Variants in PTPRA observed in about 807,000 individuals in gnomAD.
PTPRA encodes receptor-type tyrosine-protein phosphatase alpha.
A neutral mutation model predicts 104.8 loss-of-function variants in PTPRA; 25 were observed. That is an observed-to-expected ratio of 0.24 (90% CI 0.17 to 0.33). PTPRA has a LOEUF of 0.33. Ranked by LOEUF, PTPRA falls within the 10% of genes least tolerant of loss-of-function variation. The pLI, the probability that PTPRA is intolerant of heterozygous loss-of-function variation, is 1.00. For missense variants in PTPRA, 765 were observed against 1,015.3 expected (o/e 0.75, Z 3.35); for synonymous variants, 323 against 368.9 (o/e 0.88, Z 1.43).
intron 1 of PTPRA, among the ~76,000 whole-genome samples, chr20:2,919,014 G>A (rs1401332228): frequency 2.6e-5 from 4 of 152,084 alleles, no homozygotes; most frequent in African/African-American, 7.2e-5. Context: ...TGTCTGACAC[G>A]TAGTAAATAC....
At chr20:2,903,578 C>T (rs1159373400) in intron 1 of PTPRA, among the ~76,000 whole-genome samples, 1 of 152,054 alleles carries the variant, frequency 6.6e-6, no homozygotes, top group Non-Finnish European at 1.5e-5. Flanking sequence ...GCCCTTGCTA[C>T]TCAGGAGGCT....
intron 1 of PTPRA, among the ~76,000 whole-genome samples, chr20:2,882,293 TTTC>T (rs1377910528): frequency 3.6e-5 from 5 of 139,896 alleles, no homozygotes; most frequent in African/African-American, 6.2e-5. Flanking sequence ...TCTTTCTTTC[TTTC>T]TTTTTTTTTT....
intron 5 of PTPRA, among the ~76,000 whole-genome samples, chr20:2,972,278 T>C (rs1399132211): frequency 6.6e-6 from 1 of 152,204 alleles, no homozygotes; most frequent in Non-Finnish European, 1.5e-5. Context: ...CGATCATGGC[T>C]CACTGTAACC....
chr20:3,035,987 G>A lies in PTPRA; in HGVS notation c.2198+46G>A. 1.2e-6 allele frequency: 2 copies of A among 1,610,484 alleles called. No homozygotes were observed. Among genetic ancestry groups the A allele is most frequent in the Admixed American group, 1.7e-5 (1 of 59,948 alleles). ...CAGCGGGAGAGAGAAAGCGAGGAGGGGCAGATAGGGGAAGCTGATGACCAT... is the reference window on the plus strand; with the variant it reads ...CAGCGGGAGAGAGAAAGCGAGGAGGAGCAGATAGGGGAAGCTGATGACCAT... On this transcript the variant is annotated intron_variant, in intron 22 of 23. Coordinates refer to ENST00000399903, the MANE Select transcript of PTPRA (RefSeq NM_001385305.1). This position sits in a 1 kb window ranked among gnomAD's most constrained non-coding sequence, Gnocchi z 5.8.
chr20:2,909,945 TTATA>T (rs1274871773), intron 1 of PTPRA, among the ~76,000 whole-genome samples: 1 of 123,642 alleles, frequency 8.1e-6, no homozygotes, highest in Non-Finnish European at 1.5e-5. Context: ...ATATGTGTAA[TTATA>T]TATTATAATA....
chr20:2,928,796 T>TG (rs1324449344), intron 2 of PTPRA, among the ~76,000 whole-genome samples: 2 of 151,766 alleles, frequency 1.3e-5, no homozygotes, highest in African/African-American at 2.4e-5. Flanking sequence ...TCCTGGAGAT[T>TG]GTCATAACTT....
At chr20:3,003,147 T>C (rs1007269175) in intron 9 of PTPRA, among the ~76,000 whole-genome samples, 5 of 152,244 alleles carry the variant, frequency 3.3e-5, no homozygotes, top group African/African-American at 1.2e-4. Context: ...TGTATTTGTT[T>C]TATTTGTTTA....
chr20:2,890,957 C>T (rs538896745), intron 1 of PTPRA, among the ~76,000 whole-genome samples: 1 of 152,172 alleles, frequency 6.6e-6, no homozygotes, highest in Non-Finnish European at 1.5e-5. Flanking sequence ...CAGCCAACAG[C>T]CTACTGGTCT....
intron 2 of PTPRA, 33 bp downstream of exon 2, chr20:2,923,318 C>T (rs1246072616): frequency 1.6e-6 from 2 of 1,268,552 alleles, no homozygotes; most frequent in Non-Finnish European, 2.1e-6. Context: ...TGTGAGGAGG[C>T]TTTTGCCAGC....
intron 1 of PTPRA, among the ~76,000 whole-genome samples, chr20:2,909,805 TATAATATAAGATAATATATATTAGATAA>T (rs1227984869): frequency 0.031 from 4,183 of 135,448 alleles, 195 homozygotes; most frequent in Admixed American, 0.093. Flanking sequence ...AGATAATATA[TATAATATAAGATAATATATATTAGATAA>T]TATATATAAT....
chr20:3,021,715 T>G (rs1201826485), intron 14 of PTPRA, among the ~76,000 whole-genome samples: 1 of 152,214 alleles, frequency 6.6e-6, no homozygotes, highest in Non-Finnish European at 1.5e-5. Flanking sequence ...GGTGCTTGAC[T>G]CACCTTTCTC....
chr20:2,964,459 T>C, intron 4 of PTPRA, 109 bp downstream of exon 4: 1 of 1,003,630 alleles, frequency 1.0e-6, no homozygotes, highest in Non-Finnish European at 1.5e-6. Context: ...ATATAAAAAT[T>C]TTATTCAAAG....
At chr20:2,939,169 T>C (rs1026978426) in intron 2 of PTPRA, among the ~76,000 whole-genome samples, 8 of 152,218 alleles carry the variant, frequency 5.3e-5, no homozygotes, top group Non-Finnish European at 1.0e-4. Flanking sequence ...TGTTCAGTTC[T>C]TATGCCTTTT....
intron 3 of PTPRA, among the ~76,000 whole-genome samples, chr20:2,951,108 C>CT (rs796830203): frequency 3.9e-4 from 57 of 147,828 alleles, no homozygotes; most frequent in African/African-American, 9.4e-4. Context: ...TTCTTTCTTT[C>CT]TTTTTTTTTT....
rs1193036591 is a variant in PTPRA, at chr20:3,037,015, C to T, written c.2199-139C>T. On this transcript the variant is annotated intron_variant, in intron 22 of 23. Coordinates refer to ENST00000399903, the MANE Select transcript of PTPRA (RefSeq NM_001385305.1). This position sits in a 1 kb window ranked among gnomAD's most constrained non-coding sequence, Gnocchi z 4.3. ...GGTACACTGCCTCCCGACCCAGAAC[C>T]CCTCCAGGCTGGTGGGTCCACAGGG... is the stretch of plus-strand genomic sequence containing the variant. 1 of 1,211,816 alleles carries T rather than the reference C, an allele frequency of 8.3e-7. No homozygotes were observed. Among genetic ancestry groups the T allele is most frequent in the East Asian group, 2.4e-5 (1 of 42,042 alleles). The allele number at this position is 1,211,816 out of a possible 1,614,324, so 75.1% of individuals were successfully genotyped here. A position where few individuals can be genotyped will look rare whatever the true frequency, so the allele number is the denominator to read the frequency against.
At chr20:2,896,434 A>G (rs1231566804) in intron 1 of PTPRA, among the ~76,000 whole-genome samples, 7 of 152,294 alleles carry the variant, frequency 4.6e-5, no homozygotes, top group South Asian at 2.1e-4. Context: ...TACGGCCTAC[A>G]TGCACTTTCA....
At chr20:2,995,779 G>A (rs769184847) in intron 9 of PTPRA, among the ~76,000 whole-genome samples, 8 of 152,240 alleles carry the variant, frequency 5.3e-5, no homozygotes, top group South Asian at 2.1e-4. Context: ...ATTTCAAGGT[G>A]AGCATTTGAT....
intron 7 of PTPRA, 126 bp from the exon 8 acceptor site, chr20:2,987,906 C>T (rs776909069): frequency 2.7e-5 from 25 of 942,628 alleles, no homozygotes. Flanking sequence ...TGACCTGTCT[C>T]TAAAAAAGCC....
intron 1 of PTPRA, among the ~76,000 whole-genome samples, chr20:2,893,872 T>C (rs1222164819): frequency 2.0e-5 from 3 of 151,962 alleles, no homozygotes; most frequent in African/African-American, 4.8e-5. Context: ...GATTTTGATA[T>C]ATATATATAC....
Sources: gnomAD v4.1 joint callset for allele counts (sites outside exome capture counted in the v4.1 genomes callset) on GRCh38, gnomAD v4.1.1 for gene constraint, Gnocchi (gnomAD v3.1) non-coding constraint, MANE v1.5 for transcripts, NCBI Gene and HGNC (gene_info 2026-07-23, HGNC 2026-07-21) for gene names.